The following CUX1 variants were observed in gnomAD, a reference collection of about 807,000 sequenced individuals.
CUX1 encodes cut like homeobox 1, also known as protein CASP.
In CUX1, 31 loss-of-function variants were observed where a neutral mutation model predicts 158.8. That is an observed-to-expected ratio of 0.20 (90% CI 0.15 to 0.26). The LOEUF (loss-of-function observed/expected upper bound fraction) is 0.26, where lower values mean the gene tolerates loss of function less well. Ranked by LOEUF, CUX1 falls within the 10% of genes least tolerant of loss-of-function variation. The pLI is 1.00. For missense variants in CUX1, 1,589 were observed against 2,014.6 expected, an observed-to-expected ratio of 0.79 and a Z score of 4.04; for synonymous variants, 879 against 862.1, an observed-to-expected ratio of 1.02 and a Z score of -0.34.
At chr7:102,189,758 G>A in intron 11 of CUX1, 55 bp from the exon 12 acceptor site, 1 of 1,589,138 alleles carries the variant, frequency 6.3e-7, no homozygotes, top group Non-Finnish European at 8.6e-7. Flanking sequence ...CGTCGGTGAA[G>A]TCCGTCGACC....
intron 1 of CUX1, among the ~76,000 whole-genome samples, chr7:101,864,163 TG>T (rs1217013929): frequency 1.3e-5 from 2 of 151,772 alleles, no homozygotes; most frequent in African/African-American, 4.8e-5. Context: ...TTTTCTGGAT[TG>T]TTTTTTTTTT....
At chr7:101,890,281 A>C (rs980164164) in intron 1 of CUX1, among the ~76,000 whole-genome samples, 1 of 152,162 alleles carries the variant, frequency 6.6e-6, no homozygotes, top group Admixed American at 6.5e-5. Context: ...GTGTCCCCCA[A>C]ACCGGCACAG....
chr7:102,169,217 G>C (rs1028242674), intron 9 of CUX1, among the ~76,000 whole-genome samples: 13 of 152,094 alleles, frequency 8.5e-5, no homozygotes, highest in South Asian at 2.1e-4. Context: ...ATAGGCGTGA[G>C]CCACCGTACC....
At chr7:102,016,680 TC>T (rs1585286439) in intron 2 of CUX1, among the ~76,000 whole-genome samples, 1 of 152,346 alleles carries the variant, frequency 6.6e-6, no homozygotes, top group East Asian at 1.9e-4. Context: ...TCATAAGTAC[TC>T]CCCTGGTGTC....
At chr7:102,051,085 C>T (rs1036423282) in intron 3 of CUX1, among the ~76,000 whole-genome samples, 7 of 152,128 alleles carry the variant, frequency 4.6e-5, no homozygotes, top group African/African-American at 1.7e-4. Context: ...GCACCTCCCT[C>T]CACAGGCTGG....
At chr7:102,235,487 G>A (rs1799459744) in intron 22 of CUX1, among the ~76,000 whole-genome samples, 1 of 152,092 alleles carries the variant, frequency 6.6e-6, no homozygotes, top group African/African-American at 2.4e-5. Flanking sequence ...GATCACTTGA[G>A]GTTCAGAGTT....
chr7:102,014,565 G>A (rs557995943), intron 2 of CUX1, among the ~76,000 whole-genome samples: 12 of 152,252 alleles, frequency 7.9e-5, no homozygotes, highest in African/African-American at 2.6e-4. Context: ...TCCTAGCCGC[G>A]TGCTGCTCTG....
chr7:101,960,776 C>T (rs545406140), intron 2 of CUX1: 4 of 152,212 alleles, frequency 2.6e-5, no homozygotes, highest in African/African-American at 9.6e-5. Flanking sequence ...ACTTTGATTC[C>T]ACAGAAGGGC....
At chr7:102,191,078 G>A (rs556015487) in intron 12 of CUX1, among the ~76,000 whole-genome samples, 3 of 152,126 alleles carry the variant, frequency 2.0e-5, no homozygotes, top group South Asian at 4.2e-4. Context: ...CAGCCTCCCT[G>A]GCGTCTGCTG....
chr7:102,022,671 C>A (rs28674697), intron 2 of CUX1, among the ~76,000 whole-genome samples: 40,330 of 151,646 alleles, frequency 0.27, 5,782 homozygotes, highest in Non-Finnish European at 0.31. Context: ...ACATAGAAAC[C>A]TCTCTGTGTA....
At chr7:102,193,602 C>T (rs1196746118) in intron 12 of CUX1, among the ~76,000 whole-genome samples, 2 of 152,014 alleles carry the variant, frequency 1.3e-5, no homozygotes, top group African/African-American at 2.4e-5. Flanking sequence ...GTCAGGAGTT[C>T]GAGACTAGCC....
intron 1 of CUX1, among the ~76,000 whole-genome samples, chr7:101,847,720 T>G (rs930948468): frequency 6.6e-6 from 1 of 151,996 alleles, no homozygotes; most frequent in Non-Finnish European, 1.5e-5. Context: ...CTTTTTCATT[T>G]TCTCCTCAAA....
rs113064739 is a variant in CUX1 at position 101,966,064 on chromosome 7, G to GTTTGT, written c.141+49854_141+49858dup. 3.0e-4 allele frequency among the ~76,000 whole-genome samples: 46 copies of GTTTGT among 152,028 alleles called. 4 individuals carry two copies. Among genetic ancestry groups the GTTTGT allele is most frequent in the African/African-American group, 8.9e-4 (37 of 41,474 alleles). The stretch of plus-strand genomic sequence containing the variant: ...CTATTATTTGTGAAGTGATAATAGT[G>GTTTGT]TTTGTTTTGTTTTGTTTTGGGACAG... On this transcript the variant is annotated intron_variant, in intron 2 of 23. Transcript: ENST00000292535.
chr7:102,168,670 A>G (rs1048160240), intron 9 of CUX1, among the ~76,000 whole-genome samples: 1 of 145,812 alleles, frequency 6.9e-6, no homozygotes, highest in Non-Finnish European at 1.5e-5. Flanking sequence ...AAAAAATCCT[A>G]ATTTGTCTGT....
Position 102,200,162 on chromosome 7 carries a change from G to A in CUX1, c.2052G>A (p.Val684=), listed in dbSNP as rs145000808. Residue 684 remains valine, a synonymous_variant, in exon 17 of 24, where the codon GTG becomes GTA. Coordinates refer to ENST00000292535, the MANE Select transcript of CUX1 (RefSeq NM_181552.4). ...AGCAAGCCAAGAGGGAGCTCCAAGT[G>A]CAGAAAACTGGTACAGCTTCCATTT... is the stretch of plus-strand genomic sequence containing the variant. ...ILEQAKRELQ[V]QKTAEPAQPS... is the part of the protein sequence containing the mutation. The A allele has an allele frequency of 1.3e-4, 216 of 1,609,006 alleles. No individual in the cohort carries two copies. The African/African-American group carries it at 2.3e-3, about 17-fold the overall frequency.
At chr7:102,234,615 A>G (rs1489269256) in intron 22 of CUX1, among the ~76,000 whole-genome samples, 6 of 152,054 alleles carry the variant, frequency 3.9e-5, no homozygotes, top group African/African-American at 1.2e-4. Context: ...TATCAGAGAG[A>G]GAAATAAGAA....
chr7:101,928,575 A>C (rs1805899370), intron 2 of CUX1, among the ~76,000 whole-genome samples: 1 of 150,206 alleles, frequency 6.7e-6, no homozygotes, highest in African/African-American at 2.5e-5. Flanking sequence ...TATGTTGGCC[A>C]GGTTGGTCTC....
chr7:101,842,391 C>G (rs976464226), intron 1 of CUX1, among the ~76,000 whole-genome samples: 4 of 151,612 alleles, frequency 2.6e-5, no homozygotes, highest in African/African-American at 9.7e-5. Context: ...AGTTTTTTTT[C>G]TTCTTTCTTT....
chr7:101,970,519 C>G (rs2129191228), intron 2 of CUX1, among the ~76,000 whole-genome samples: 1 of 152,242 alleles, frequency 6.6e-6, no homozygotes, highest in African/African-American at 2.4e-5. Flanking sequence ...CCTCCCCACG[C>G]CTCTGCTGAG....
Sources: allele counts gnomAD v4.1 joint callset (sites outside exome capture counted in the v4.1 genomes callset), GRCh38; gene constraint gnomAD v4.1.1; transcripts MANE v1.5; gene names NCBI Gene and HGNC (gene_info 2026-07-23, HGNC 2026-07-21).